The following PPEF2 variants were observed in gnomAD, a reference collection of about 807,000 sequenced individuals.
PPEF2 encodes the protein serine/threonine-protein phosphatase with EF-hands 2.
In PPEF2, 84 loss-of-function variants were observed where a neutral mutation model predicts 84.7. The observed-to-expected ratio is 0.99, with a 90% CI of 0.83 to 1.19. The LOEUF is 1.19. PPEF2 is among the 50% of genes most tolerant of loss of function. The probability of loss-of-function intolerance (pLI) is 0.00; values close to 1 mark genes in which losing one functional copy is unlikely to be tolerated. For missense variants in PPEF2, 924 were observed against 937.5 expected (o/e 0.99, Z 0.19); for synonymous variants, 346 against 345.2 (o/e 1.00, Z -0.03).
chr4:75,891,927 C>G lies in PPEF2; in HGVS notation c.107G>C (p.Arg36Pro), dbSNP rs61757739. Residue 36 changes from arginine to proline, a missense_variant, in exon 3 of 17, where the codon CGC becomes CCC. By Grantham distance (103) the Arg-to-Pro change is moderately radical. Coordinates refer to ENST00000286719, the MANE Select transcript of PPEF2 (RefSeq NM_006239.3). ...GGTGCAACGCCGCCTCATCTCCAGG[C>G]GGGCCACGTAGCGCCGGTACCATCT... is the stretch of plus-strand genomic sequence containing the variant. ...IQRWYRRYVA[R>P]LEMRRRCTWS... 6.2e-7 allele frequency: 1 copy of G among 1,614,086 alleles called. No homozygotes were observed. Among genetic ancestry groups the G allele is most frequent in the African/African-American group, 1.3e-5 (1 of 75,018 alleles).
At chr4:75,866,809 G>A (rs1050654434) in intron 14 of PPEF2, among the ~76,000 whole-genome samples, 7 of 152,136 alleles carry the variant, frequency 4.6e-5, no homozygotes, top group African/African-American at 1.7e-4. Flanking sequence ...CTCTTGGAAG[G>A]CTACAGTATG....
At chr4:75,883,949 G>T (rs1724648007) in intron 8 of PPEF2, among the ~76,000 whole-genome samples, 2 of 151,554 alleles carry the variant, frequency 1.3e-5, no homozygotes, top group African/African-American at 4.9e-5. Flanking sequence ...GACCAACATG[G>T]TGAAACCCGT....
chr4:75,871,794 A>G (rs1724286600), intron 13 of PPEF2, among the ~76,000 whole-genome samples: 1 of 152,078 alleles, frequency 6.6e-6, no homozygotes, highest in African/African-American at 2.4e-5. Flanking sequence ...GCAGAAAACA[A>G]ATTTGTTGCT....
At chr4:75,863,147 A>G (rs1724045376) in intron 16 of PPEF2, among the ~76,000 whole-genome samples, 1 of 152,164 alleles carries the variant, frequency 6.6e-6, no homozygotes, top group South Asian at 2.1e-4. Context: ...GAGGAGGGAT[A>G]GGGAATGAGG....
chr4:75,874,306 T>C (rs1034811530), intron 11 of PPEF2, among the ~76,000 whole-genome samples: 1 of 151,702 alleles, frequency 6.6e-6, no homozygotes, highest in Non-Finnish European at 1.5e-5. Context: ...CTTTTGTTTT[T>C]TTTTTTTGAG....
intron 4 of PPEF2, among the ~76,000 whole-genome samples, chr4:75,890,863 A>G (rs1724860355): frequency 6.6e-6 from 1 of 152,190 alleles, no homozygotes; most frequent in Non-Finnish European, 1.5e-5. Context: ...CTGGATCCGG[A>G]TGGCAGGCCA....
At chr4:75,871,068 C>T (rs879722443) in intron 13 of PPEF2, among the ~76,000 whole-genome samples, 42 of 152,050 alleles carry the variant, frequency 2.8e-4, no homozygotes, top group East Asian at 2.7e-3. Context: ...CAGGCGTGTA[C>T]CACCACGCCT....
chr4:75,867,484 A>T, intron 13 of PPEF2, 65 bp from the exon 14 acceptor site: 1 of 1,193,622 alleles, frequency 8.4e-7, no homozygotes, highest in Non-Finnish European at 1.2e-6. Flanking sequence ...TAGAGATTTT[A>T]CTATATTTCC....
At chr4:75,878,650 CA>C (rs1475289684) in intron 10 of PPEF2, among the ~76,000 whole-genome samples, 2 of 152,186 alleles carry the variant, frequency 1.3e-5, no homozygotes, top group Non-Finnish European at 1.5e-5. Context: ...ACTTTCTAGG[CA>C]GTTCCAATCT....
At chr4:75,883,983 A>T (rs1346034018) in intron 8 of PPEF2, among the ~76,000 whole-genome samples, 4 of 151,024 alleles carry the variant, frequency 2.6e-5, no homozygotes, top group Admixed American at 6.6e-5. Context: ...ACAAAAAAAA[A>T]TTAGCCGGGC....
rs1256506651 is a variant in PPEF2 at position 75,869,152 on chromosome 4, A to G, written c.1650-1733T>C. Among the ~76,000 whole-genome samples, 4 of 152,194 alleles carry G rather than the reference A, an allele frequency of 2.6e-5. No individual in the cohort carries two copies. In the East Asian group the frequency reaches 7.7e-4, roughly 29 times the overall value. ...GTATGGGACTCCTAAAAAGTTTAAG[A>G]ACCACTAGTTAGACAAAGCATTTAA... On this transcript the variant is annotated intron_variant, in intron 13 of 16. Transcript: ENST00000286719.
chr4:75,888,153 A>G, intron 6 of PPEF2, 61 bp downstream of exon 6: 1 of 1,316,268 alleles, frequency 7.6e-7, no homozygotes, highest in South Asian at 1.2e-5. Context: ...TTGCATCCCC[A>G]CACAGGTAGA....
At chr4:75,882,828 C>T (rs1202577135) in intron 10 of PPEF2, 98 bp downstream of exon 10, 2 of 1,344,724 alleles carry the variant, frequency 1.5e-6, no homozygotes, top group East Asian at 2.3e-5. Context: ...TCTTAACAGC[C>T]ATAATCAGTT....
Position 75,882,924 on chromosome 4 carries a change from A to G in PPEF2, c.933+2T>C, listed in dbSNP as rs373496090. ...AATTTGTATTATTTCATTAACCACT[A>G]CCTTGCTCCTCTCTATTTTGTCCAA... On this transcript the variant is annotated splice_donor_variant, in intron 10 of 16. Transcript: ENST00000286719. LOFTEE classifies it high-confidence loss of function. 6.2e-6 allele frequency: 10 copies of G among 1,609,950 alleles called. No homozygotes were observed. The highest frequency in any genetic ancestry group is 8.5e-6 in the Non-Finnish European group (10 of 1,178,420).
chr4:75,890,921 G>A (rs1239326962), intron 4 of PPEF2, among the ~76,000 whole-genome samples: 1 of 152,180 alleles, frequency 6.6e-6, no homozygotes, highest in Non-Finnish European at 1.5e-5. Context: ...AGTGGTTCAC[G>A]CTTGTAATGC....
intron 12 of PPEF2, among the ~76,000 whole-genome samples, chr4:75,872,804 G>A (rs1185269011): frequency 2.0e-5 from 3 of 152,186 alleles, no homozygotes; most frequent in South Asian, 4.1e-4. Context: ...GAAGACAAAT[G>A]AGCCTGAATC....
intron 8 of PPEF2, among the ~76,000 whole-genome samples, chr4:75,883,817 CAAAAA>C (rs35897623): frequency 1.6e-5 from 1 of 60,702 alleles, no homozygotes; most frequent in Middle Eastern, 0.018. Context: ...GACTCCGTCA[CAAAAA>C]AAAAAAAAAA....
At chr4:75,900,794 C>T (rs1288397966) in intron 1 of PPEF2, among the ~76,000 whole-genome samples, 1 of 152,122 alleles carries the variant, frequency 6.6e-6, no homozygotes, top group Non-Finnish European at 1.5e-5. Context: ...CAAAATACAT[C>T]ATGATGCTTT....
chr4:75,862,292 C>CAAAAAA (rs545540824), intron 16 of PPEF2, among the ~76,000 whole-genome samples: 1 of 77,412 alleles, frequency 1.3e-5, no homozygotes, highest in African/African-American at 4.9e-5. Context: ...GACTCCATCT[C>CAAAAAA]AAAAAAAAAA....
Sources: allele counts gnomAD v4.1 joint callset (sites outside exome capture counted in the v4.1 genomes callset), GRCh38; gene constraint gnomAD v4.1.1; transcripts MANE v1.5; gene names NCBI Gene and HGNC (gene_info 2026-07-23, HGNC 2026-07-21).